Variants in FER observed in about 807,000 individuals in gnomAD.
FER encodes the protein tyrosine-protein kinase Fer.
Under a neutral mutation model 111.0 loss-of-function variants are expected in FER, and 63 were observed. That is an observed-to-expected ratio of 0.57 (90% confidence interval 0.46 to 0.70). FER has a LOEUF of 0.70. FER is among the 30% of genes least tolerant of loss of function. FER has a pLI of 0.00. For missense variants in FER, 914 were observed against 954.0 expected, an observed-to-expected ratio of 0.96 and a Z score of 0.55; for synonymous variants, 327 against 313.9, an observed-to-expected ratio of 1.04 and a Z score of -0.44.
At chr5:108,863,662 C>T (rs1324151348) in intron 5 of FER, among the ~76,000 whole-genome samples, 1 of 151,964 alleles carries the variant, frequency 6.6e-6, no homozygotes. Flanking sequence ...GATAAATCTT[C>T]TCTAGGGATT....
intron 5 of FER, among the ~76,000 whole-genome samples, chr5:108,839,580 T>C (rs1013706731): frequency 2.0e-4 from 29 of 142,964 alleles, no homozygotes; most frequent in South Asian, 4.7e-4. Context: ...TTCTTTTTTT[T>C]TTTTTTTTTT....
At chr5:108,884,833 G>A (rs974059062) in intron 9 of FER, among the ~76,000 whole-genome samples, 3 of 151,774 alleles carry the variant, frequency 2.0e-5, no homozygotes, top group East Asian at 1.9e-4. Context: ...TTGCCCTATC[G>A]CTATGGAAAT....
At chr5:109,057,024 ATAGACT>A (rs1376042074) in intron 16 of FER, among the ~76,000 whole-genome samples, 2 of 152,142 alleles carry the variant, frequency 1.3e-5, no homozygotes, top group Non-Finnish European at 2.9e-5. Flanking sequence ...TTTGGGGAAA[ATAGACT>A]TCCTAGCAAT....
intron 13 of FER, among the ~76,000 whole-genome samples, chr5:108,971,050 T>C (rs138573683): frequency 0.012 from 1,787 of 152,188 alleles, 15 homozygotes; most frequent in Non-Finnish European, 0.02. Flanking sequence ...ACTATTCCGA[T>C]TTTTAATTGT....
chr5:109,079,152 G>A (rs1776704099), intron 16 of FER, among the ~76,000 whole-genome samples: 1 of 152,074 alleles, frequency 6.6e-6, no homozygotes, highest in South Asian at 2.1e-4. Context: ...GAGACAAACA[G>A]ATATTTACCA....
At chr5:108,971,545 T>C (rs2149698690) in intron 13 of FER, among the ~76,000 whole-genome samples, 1 of 152,298 alleles carries the variant, frequency 6.6e-6, no homozygotes, top group Admixed American at 6.5e-5. Context: ...AAGGGAAATT[T>C]CTCTCTTGGG....
At chr5:108,899,100 A>G (rs1749621901) in intron 10 of FER, among the ~76,000 whole-genome samples, 1 of 152,070 alleles carries the variant, frequency 6.6e-6, no homozygotes, top group African/African-American at 2.4e-5. Flanking sequence ...AAAAAAAAAA[A>G]AAAGACCGTA....
At position 108,835,708 on chromosome 5, in the gene FER, G is replaced by T. The variant is rs35150210; in HGVS notation, c.382G>T (p.Val128Phe). 5.9e-3 allele frequency: 9,128 copies of T among 1,549,982 alleles called. 41 individuals carry two copies. Among genetic ancestry groups the T allele is most frequent in the Non-Finnish European group, 7.3e-3 (8,356 of 1,151,254 alleles). Residue 128 changes from valine to phenylalanine, a missense_variant and splice_region_variant, in exon 5 of 20, where the codon GTT becomes TTT. Physicochemically the swap from Val to Phe is conservative, Grantham distance 50. Around this residue, in one of 3 missense-constraint regions of FER, gnomAD observed 774 missense variants for 782.6 expected, o/e 0.99. Transcript: ENST00000281092. ...TTTATGCATTTTGTTTCTTTGACAG[G>T]TTACCAAAACAGAATTGGAGAAGTT... ...HQQIEAEMIK[V>F]TKTELEKLKC... is the part of the protein sequence containing the mutation.
chr5:108,912,584 A>T (rs977601827), intron 10 of FER, among the ~76,000 whole-genome samples: 3 of 152,028 alleles, frequency 2.0e-5, no homozygotes, highest in African/African-American at 7.2e-5. Context: ...CTGGTTTCGA[A>T]CTCTGACCTC....
chr5:108,793,218 G>A (rs1012370359), intron 2 of FER, among the ~76,000 whole-genome samples: 3 of 152,080 alleles, frequency 2.0e-5, no homozygotes, highest in Non-Finnish European at 4.4e-5. Context: ...GTCTCCAGGA[G>A]CTCAAGATTG....
chr5:109,122,056 A>T (rs184186792), intron 17 of FER, among the ~76,000 whole-genome samples: 2 of 150,634 alleles, frequency 1.3e-5, no homozygotes, highest in African/African-American at 4.9e-5. Flanking sequence ...AGCCTTTTGT[A>T]TTTTCTTTAT....
At chr5:108,812,328 ATTAAC>A (rs1179080520) in intron 3 of FER, among the ~76,000 whole-genome samples, 2 of 152,216 alleles carry the variant, frequency 1.3e-5, no homozygotes, top group African/African-American at 4.8e-5. Flanking sequence ...TCACTGAGAA[ATTAAC>A]TTAACTCTGG....
chr5:108,863,371 T>C (rs1224261518), intron 5 of FER, among the ~76,000 whole-genome samples: 3 of 152,192 alleles, frequency 2.0e-5, no homozygotes, highest in Non-Finnish European at 4.4e-5. Flanking sequence ...TCCGCCCGCC[T>C]CGGCCTCTGA....
In FER at chr5:109,187,530, T is replaced by C. The variant is rs746771043; in HGVS notation, c.2424T>C (p.Ser808=). 1.2e-6 allele frequency: 2 copies of C among 1,614,080 alleles called. No homozygotes were observed. Among genetic ancestry groups the C allele is most frequent in the East Asian group, 2.2e-5 (1 of 44,876 alleles). Residue 808 remains serine, a synonymous_variant, in exon 20 of 20, where the codon AGT becomes AGC. Coordinates refer to ENST00000281092, the MANE Select transcript of FER (RefSeq NM_005246.4). ...AACCTGAAAATCGCCCTAAGTTCAGTGAACTTCAGAAAGAGCTCACTATCA... is the reference window on the plus strand; with the variant it reads ...AACCTGAAAATCGCCCTAAGTTCAGCGAACTTCAGAAAGAGCTCACTATCA... ...DYKPENRPKF[S]ELQKELTIIK... is the part of the protein sequence containing the mutation.
chr5:108,837,338 A>G (rs1368157481), intron 5 of FER, among the ~76,000 whole-genome samples: 1 of 152,200 alleles, frequency 6.6e-6, no homozygotes, highest in East Asian at 1.9e-4. Flanking sequence ...GAGAACTCCA[A>G]GTCTCACTCT....
At chr5:109,180,484 A>G (rs1235419911) in intron 17 of FER, among the ~76,000 whole-genome samples, 1 of 152,154 alleles carries the variant, frequency 6.6e-6, no homozygotes, top group Non-Finnish European at 1.5e-5. Context: ...TTTCTCTTTT[A>G]AAGCTAGAAT....
chr5:108,992,830 C>A (rs1308415784), intron 13 of FER, among the ~76,000 whole-genome samples: 3 of 148,976 alleles, frequency 2.0e-5, no homozygotes, highest in Non-Finnish European at 4.5e-5. Context: ...GACAGGGCGG[C>A]CGGGCAGAGA....
At chr5:109,132,077 C>G (rs1182933855) in intron 17 of FER, among the ~76,000 whole-genome samples, 1 of 152,152 alleles carries the variant, frequency 6.6e-6, no homozygotes, top group Admixed American at 6.6e-5. Context: ...CTTTTATTAT[C>G]ATCAATATTA....
At chr5:108,926,239 A>AT (rs149303798) in intron 10 of FER, among the ~76,000 whole-genome samples, 9 of 150,084 alleles carry the variant, frequency 6.0e-5, no homozygotes, top group African/African-American at 2.2e-4. Context: ...TTTTCTATGT[A>AT]TTTTTTTATA....
Sources: allele counts gnomAD v4.1 joint callset (sites outside exome capture counted in the v4.1 genomes callset), GRCh38; gene constraint gnomAD v4.1.1; regional missense constraint gnomAD v4.1.1; transcripts MANE v1.5; gene names NCBI Gene and HGNC (gene_info 2026-07-23, HGNC 2026-07-21).